The following ZNF605 variants were observed in gnomAD, a reference collection of about 807,000 sequenced individuals.
ZNF605 encodes zinc finger protein 605.
A neutral mutation model predicts 7.9 loss-of-function variants in ZNF605; 9 were observed. The ratio of observed to expected loss-of-function variants is 1.14; its 90% CI spans 0.68 to 1.98. The LOEUF (loss-of-function observed/expected upper bound fraction) is 1.98. ZNF605 is among the 30% of genes most tolerant of loss of function. The pLI, the probability that ZNF605 is intolerant of heterozygous loss-of-function variation, is 0.00. For synonymous variants in ZNF605, 255 were observed against 260.1 expected, an observed-to-expected ratio of 0.98 and a Z score of 0.19; for missense variants, 673 against 762.4, an observed-to-expected ratio of 0.88 and a Z score of 1.38.
chr12:132,940,416 C>T (rs1156803901), intron 3 of ZNF605, among the ~76,000 whole-genome samples: 1 of 152,208 alleles, frequency 6.6e-6, no homozygotes, highest in Non-Finnish European at 1.5e-5. Context: ...AGGCTTTACC[C>T]TGTGGGCCTC....
At chr12:132,938,099 GC>G (rs1952387037) in intron 3 of ZNF605, among the ~76,000 whole-genome samples, 4 of 152,068 alleles carry the variant, frequency 2.6e-5, no homozygotes. Context: ...TCCTGCCTCA[GC>G]CTCCCAAGTA....
chr12:132,950,059 T>C (rs1441711235), intron 1 of ZNF605, among the ~76,000 whole-genome samples: 1 of 151,720 alleles, frequency 6.6e-6, no homozygotes, highest in Non-Finnish European at 1.5e-5. Flanking sequence ...GGTCGGGGGC[T>C]CTACCATCTA....
rs1238575524 is a variant in ZNF605, at chr12:132,925,959, T to G, written c.1340A>C (p.Lys447Thr). ...CCCACACTCACTGCATTCATAAGGC[T>G]TCTCCCCAGTGTGTGTTCTGTGATG... ...LTHHRTHTGE[K>T]PYECSECGKA... Residue 447 changes from lysine to threonine, a missense_variant, in exon 5 of 5, where the codon AAG (lysine) becomes ACG (threonine). Physicochemically the swap from Lys to Thr is moderately conservative, Grantham distance 78 (BLOSUM62 -1). Coordinates refer to ENST00000360187, the MANE Select transcript of ZNF605 (RefSeq NM_183238.4). 6.2e-7 allele frequency: 1 copy of G among 1,614,096 alleles called. No homozygotes were observed. The highest frequency in any genetic ancestry group is 1.3e-5 in the African/African-American group (1 of 74,934).
Position 132,925,522 on chromosome 12 carries a change from C to G in ZNF605, c.1777G>C (p.Glu593Gln). 1.2e-6 allele frequency: 2 copies of G among 1,614,154 alleles called. No homozygotes were observed. The highest frequency in any genetic ancestry group is 1.7e-6 in the Non-Finnish European group (2 of 1,180,008). Residue 593 changes from glutamate (E) to glutamine (Q), a missense_variant, in exon 5 of 5, where the codon GAA becomes CAA. Physicochemically the swap from Glu to Gln is conservative, Grantham distance 29 (BLOSUM62 2). Coordinates refer to ENST00000360187, the MANE Select transcript of ZNF605 (RefSeq NM_183238.4). ...TTTCTTGTGAAAGATTTCCCACATT[C>G]ACCACATTTATATGGTCTCTCTCCT... ...HTGERPYKCG[E>Q]CGKSFTRKSH...
At chr12:132,949,915 G>A (rs905643623) in intron 1 of ZNF605, among the ~76,000 whole-genome samples, 22 of 152,182 alleles carry the variant, frequency 1.4e-4, no homozygotes, top group Admixed American at 1.0e-3. Flanking sequence ...ACTCTTTCTA[G>A]TCCGCAGTGT....
intron 3 of ZNF605, among the ~76,000 whole-genome samples, chr12:132,940,150 G>T (rs566251350): frequency 1.3e-5 from 2 of 152,168 alleles, no homozygotes; most frequent in Admixed American, 6.5e-5. Context: ...GTGCCTAGCC[G>T]ACATGATTCC....
intron 4 of ZNF605, among the ~76,000 whole-genome samples, chr12:132,930,497 C>T (rs1201670578): frequency 6.6e-6 from 1 of 152,022 alleles, no homozygotes; most frequent in Non-Finnish European, 1.5e-5. Context: ...TGTACCCCCA[C>T]TGCATAGCAC....
intron 1 of ZNF605, among the ~76,000 whole-genome samples, chr12:132,949,702 C>T (rs1952537126): frequency 6.6e-6 from 1 of 152,180 alleles, no homozygotes; most frequent in South Asian, 2.1e-4. Context: ...AGACAGGTCC[C>T]AGTGTCAACA....
At chr12:132,930,292 C>T (rs927331567) in intron 4 of ZNF605, among the ~76,000 whole-genome samples, 2 of 152,222 alleles carry the variant, frequency 1.3e-5, no homozygotes, top group Non-Finnish European at 2.9e-5. Flanking sequence ...TCTTGGCCTC[C>T]CAAAGCACTG....
At chr12:132,954,900 C>T (rs774393230) in intron 1 of ZNF605, among the ~76,000 whole-genome samples, 25 of 152,246 alleles carry the variant, frequency 1.6e-4, no homozygotes, top group Non-Finnish European at 3.1e-4. Flanking sequence ...ATACACAGCG[C>T]CATTCCTAAT....
At chr12:132,930,747 T>C (rs751665381) in intron 4 of ZNF605, among the ~76,000 whole-genome samples, 2 of 152,222 alleles carry the variant, frequency 1.3e-5, no homozygotes, top group African/African-American at 2.4e-5. Flanking sequence ...GAAGTGGTTC[T>C]AAATTAATAG....
At chr12:132,951,366 C>T (rs1188824761) in intron 1 of ZNF605, among the ~76,000 whole-genome samples, 5 of 150,598 alleles carry the variant, frequency 3.3e-5, no homozygotes, top group Non-Finnish European at 7.4e-5. Context: ...CAGATACACA[C>T]GTACATCACA....
chr12:132,928,288 G>A (rs1384614442), intron 4 of ZNF605, among the ~76,000 whole-genome samples: 5 of 152,192 alleles, frequency 3.3e-5, no homozygotes, highest in African/African-American at 1.2e-4. Context: ...ACATTTTTTT[G>A]TACTATTATT....
intron 3 of ZNF605, among the ~76,000 whole-genome samples, chr12:132,939,347 G>C (rs1952407212): frequency 6.6e-6 from 1 of 152,152 alleles, no homozygotes; most frequent in African/African-American, 2.4e-5. Context: ...TGCTGGTGAG[G>C]ACATGGAGAA....
At chr12:132,939,081 C>T (rs1175624467) in intron 3 of ZNF605, among the ~76,000 whole-genome samples, 1 of 151,762 alleles carries the variant, frequency 6.6e-6, no homozygotes, top group Non-Finnish European at 1.5e-5. Flanking sequence ...CTGACGAGCA[C>T]CACCCCCTGC....
rs954130818 is a variant in ZNF605, at chr12:132,940,807, C to T, written c.15+4814G>A. 7.2e-5 allele frequency among the ~76,000 whole-genome samples: 11 copies of T among 152,166 alleles called. 1 individual carries two copies. The Middle Eastern group carries it at 0.01, about 141-fold the overall frequency. On this transcript the variant is annotated intron_variant, in intron 3 of 4. Coordinates refer to ENST00000360187, the MANE Select transcript of ZNF605 (RefSeq NM_183238.4). ...TGTGCAGGTTTGTTTTGTGGGTTTA[C>T]TGCGTAATGCTGAGGTTTGGGGTAC...
chr12:132,942,560 CCGA>C (rs1403134067), intron 3 of ZNF605, among the ~76,000 whole-genome samples: 1 of 152,198 alleles, frequency 6.6e-6, no homozygotes, highest in Non-Finnish European at 1.5e-5. Context: ...GGACAGAGGC[CCGA>C]CGATGGGAAG....
chr12:132,925,371 T>C lies in ZNF605; in HGVS notation c.*2A>G. ...TTTCTGCATTCGCCAAAGTCATGAT[T>C]TTTATATTATATGATTTCTCTGATG... is the stretch of plus-strand genomic sequence containing the variant. On this transcript the variant is annotated 3_prime_UTR_variant, in exon 5 of 5. Coordinates refer to ENST00000360187, the MANE Select transcript of ZNF605 (RefSeq NM_183238.4). The C allele has an allele frequency of 6.4e-7, 1 of 1,567,602 alleles. No homozygotes were observed. Among genetic ancestry groups the C allele is most frequent in the Non-Finnish European group, 8.6e-7 (1 of 1,157,338 alleles).
chr12:132,948,801 A>T (rs1207884233), intron 1 of ZNF605, among the ~76,000 whole-genome samples: 3 of 152,192 alleles, frequency 2.0e-5, no homozygotes, highest in Non-Finnish European at 4.4e-5. Context: ...GAGGCTGAGG[A>T]TTGGAGAATT....
Sources: gnomAD v4.1 joint callset for allele counts (sites outside exome capture counted in the v4.1 genomes callset) on GRCh38, gnomAD v4.1.1 for gene constraint, MANE v1.5 for transcripts, NCBI Gene and HGNC (gene_info 2026-07-23, HGNC 2026-07-21) for gene names.